TTLL7: variants seen among roughly 807,000 people sequenced by gnomAD.
TTLL7 encodes the protein tubulin tyrosine ligase like 7, also known as tubulin polyglutamylase TTLL7.
In TTLL7, 53 loss-of-function variants were observed where a neutral mutation model predicts 120.2. The ratio of observed to expected loss-of-function variants is 0.44; its 90% CI spans 0.35 to 0.55. The LOEUF (loss-of-function observed/expected upper bound fraction) is 0.55, where lower values mean the gene tolerates loss of function less well. TTLL7 is among the 20% of genes least tolerant of loss of function. The probability of loss-of-function intolerance (pLI) is 0.00; values close to 1 mark genes in which losing one functional copy is unlikely to be tolerated. For synonymous variants in TTLL7, 353 were observed against 351.7 expected, an observed-to-expected ratio of 1.00 and a Z score of -0.04; for missense variants, 803 against 1,054.7, an observed-to-expected ratio of 0.76 and a Z score of 3.31.
chr1:83,881,120 C>A (rs1571035073), intron 20 of TTLL7, among the ~76,000 whole-genome samples: 1 of 150,134 alleles, frequency 6.7e-6, no homozygotes, highest in Admixed American at 6.6e-5. Context: ...AAATGTTAGA[C>A]CTAAAACCAT....
intron 20 of TTLL7, among the ~76,000 whole-genome samples, chr1:83,876,670 T>C (rs1018147123): frequency 6.6e-6 from 1 of 152,098 alleles, no homozygotes; most frequent in East Asian, 1.9e-4. Flanking sequence ...GTATTAGATA[T>C]TCTTTCATGC....
chr1:83,942,648 G>C lies in TTLL7; in HGVS notation c.538C>G (p.Pro180Ala). The change falls in exon 7 of 21, where the codon CCA (proline) becomes GCA (alanine). Residue 180 changes from proline (P) to alanine (A), a missense_variant. Transcript: ENST00000260505. Reference protein sequence around the residue: ...ISLIRNGDKLPSQDHLIVQEY... With the variant: ...ISLIRNGDKLASQDHLIVQEY... Reference sequence around the variant, plus strand: ...TGAACAATCAAATGATCCTGAGATGGAAGTTTGTCACCATTTCTTATCAAA... The same window carrying C: ...TGAACAATCAAATGATCCTGAGATGCAAGTTTGTCACCATTTCTTATCAAA... 1 of 1,613,350 alleles carries C rather than the reference G, an allele frequency of 6.2e-7. No individual in the cohort carries two copies. Among genetic ancestry groups the C allele is most frequent in the South Asian group, 1.1e-5 (1 of 90,980 alleles).
intron 9 of TTLL7, among the ~76,000 whole-genome samples, chr1:83,933,201 G>A (rs938806438): frequency 2.6e-5 from 4 of 152,070 alleles, no homozygotes; most frequent in Non-Finnish European, 2.9e-5. Flanking sequence ...GGAGCCTCTC[G>A]GAGAGTCTGA....
intron 7 of TTLL7, 101 bp downstream of exon 7, chr1:83,942,362 G>A (rs1648061559): frequency 4.2e-6 from 4 of 944,736 alleles, no homozygotes; most frequent in Non-Finnish European, 6.3e-6. Context: ...AAACCTGAGA[G>A]GAGCAACTTT....
At chr1:83,903,498 C>T (rs1656908298) in intron 18 of TTLL7, among the ~76,000 whole-genome samples, 1 of 151,970 alleles carries the variant, frequency 6.6e-6, no homozygotes, top group African/African-American at 2.4e-5. Context: ...ACCCCCACTC[C>T]CAGATAGCAA....
At chr1:83,894,980 T>C (rs1339921421) in intron 18 of TTLL7, among the ~76,000 whole-genome samples, 1 of 152,052 alleles carries the variant, frequency 6.6e-6, no homozygotes, top group Non-Finnish European at 1.5e-5. Context: ...AACTCTCCTC[T>C]GAGTCTTCAC....
At chr1:83,957,266 A>G (rs1224685783) in intron 1 of TTLL7, among the ~76,000 whole-genome samples, 1 of 152,192 alleles carries the variant, frequency 6.6e-6, no homozygotes, top group Non-Finnish European at 1.5e-5. Flanking sequence ...AAGAAAACTC[A>G]GACCTTCTCC....
At chr1:83,975,626 C>A (rs1651397365) in intron 1 of TTLL7, among the ~76,000 whole-genome samples, 1 of 152,110 alleles carries the variant, frequency 6.6e-6, no homozygotes, top group Non-Finnish European at 1.5e-5. Flanking sequence ...GTTTGATTCT[C>A]AAAACCTTTG....
At chr1:83,898,082 C>CTACA (rs918067981) in intron 18 of TTLL7, among the ~76,000 whole-genome samples, 4 of 151,858 alleles carry the variant, frequency 2.6e-5, no homozygotes, top group African/African-American at 9.7e-5. Context: ...CACAGGTGAC[C>CTACA]TACATTTCCA....
chr1:83,996,295 C>T (rs752144645), intron 1 of TTLL7, among the ~76,000 whole-genome samples: 1 of 152,112 alleles, frequency 6.6e-6, no homozygotes, highest in Non-Finnish European at 1.5e-5. Context: ...CAGACCATTT[C>T]CTGGAAGGGG....
rs143741135 is a variant in TTLL7, at chr1:83,892,952, A to AAGAAAGAAAGAAAGAAAG, written c.2209-2472_2209-2471insCTTTCTTTCTTTCTTTCT. 1.6e-3 allele frequency among the ~76,000 whole-genome samples: 203 copies of AAGAAAGAAAGAAAGAAAG among 129,054 alleles called. 5 individuals carry two copies. Among genetic ancestry groups the AAGAAAGAAAGAAAGAAAG allele is most frequent in the African/African-American group, 6.2e-3 (184 of 29,864 alleles). The allele number at this position is 129,054 out of a possible 152,430, so 84.7% of individuals were successfully genotyped here. On this transcript the variant is annotated intron_variant, in intron 18 of 20. Transcript: ENST00000260505. ...AGAGAAAGAAAGAAAGAAAGAAAGA[A>AAGAAAGAAAGAAAGAAAG]AAGAATAAAAGAAAGAAAGAGAAAA...
At chr1:83,890,255 G>C (rs1474501037) in intron 19 of TTLL7, 66 bp downstream of exon 19, 14 of 1,445,448 alleles carry the variant, frequency 9.7e-6, no homozygotes, top group Non-Finnish European at 1.3e-5. Flanking sequence ...ATTTTATTAG[G>C]ATATCTCTAT....
chr1:83,877,555 T>C (rs1654035356), intron 20 of TTLL7, among the ~76,000 whole-genome samples: 1 of 152,060 alleles, frequency 6.6e-6, no homozygotes, highest in African/African-American at 2.4e-5. Flanking sequence ...TTTCTTCTTT[T>C]GTTTGGTAGT....
At chr1:83,936,033 C>T (rs1647351675) in intron 8 of TTLL7, among the ~76,000 whole-genome samples, 1 of 152,146 alleles carries the variant, frequency 6.6e-6, no homozygotes, top group African/African-American at 2.4e-5. Context: ...AATTTACCCA[C>T]CTATAGACAA....
At chr1:83,892,405 C>CGAATATATATGT (rs1557563429) in intron 18 of TTLL7, among the ~76,000 whole-genome samples, 2,049 of 36,466 alleles carry the variant, frequency 0.056, 319 homozygotes, top group Admixed American at 0.072. Context: ...TATATATGAA[C>CGAATATATATGT]ATATATATGA....
At chr1:83,896,440 A>T (rs1656230894) in intron 18 of TTLL7, among the ~76,000 whole-genome samples, 1 of 152,120 alleles carries the variant, frequency 6.6e-6, no homozygotes, top group Non-Finnish European at 1.5e-5. Context: ...AAACTGCTCC[A>T]TATGGCCGAA....
intron 7 of TTLL7, among the ~76,000 whole-genome samples, chr1:83,939,073 A>T (rs1479505829): frequency 1.3e-5 from 2 of 152,200 alleles, no homozygotes; most frequent in Non-Finnish European, 2.9e-5. Context: ...TCATTAAACA[A>T]TATTTAAGGA....
chr1:83,907,611 G>A lies in TTLL7; in HGVS notation c.1837C>T (p.Pro613Ser). ...AATGGGCGGGTGTCCCCACTGGAAG[G>A]TGATTGAGCAGAGATGGACCGAGGG... is the stretch of plus-strand genomic sequence containing the variant. ...SCPRSISAQS[P>S]SSGDTRPFSA... The change falls in exon 16 of 21, where the codon CCT becomes TCT. Residue 613 changes from proline (P) to serine (S), a missense_variant. This residue lies in a region of TTLL7 where 388 missense variants were observed against 450.4 expected (regional missense o/e 0.86). Transcript: ENST00000260505. 1.2e-6 allele frequency: 2 copies of A among 1,613,246 alleles called. No individual in the cohort carries two copies. Among genetic ancestry groups the A allele is most frequent in the Non-Finnish European group, 1.7e-6 (2 of 1,179,540 alleles).
intron 20 of TTLL7, among the ~76,000 whole-genome samples, chr1:83,874,114 C>A (rs1653696514): frequency 6.6e-6 from 1 of 152,034 alleles, no homozygotes; most frequent in African/African-American, 2.4e-5. Context: ...AAACTCTTTA[C>A]CCTTGAAGTA....
Sources: allele counts gnomAD v4.1 joint callset (sites outside exome capture counted in the v4.1 genomes callset), GRCh38; gene constraint gnomAD v4.1.1; regional missense constraint gnomAD v4.1.1; transcripts MANE v1.5; gene names NCBI Gene and HGNC (gene_info 2026-07-23, HGNC 2026-07-21).